The following TMPRSS11D variants were observed in gnomAD, a reference collection of about 807,000 sequenced individuals.
TMPRSS11D encodes the protein transmembrane serine protease 11D, also known as transmembrane protease serine 11D.
In TMPRSS11D, 32 loss-of-function variants were observed where a neutral mutation model predicts 44.4. The observed-to-expected ratio is 0.72, with a 90% CI of 0.54 to 0.97. The LOEUF (loss-of-function observed/expected upper bound fraction) is 0.97, where lower values mean the gene tolerates loss of function less well. Ranked by LOEUF, TMPRSS11D falls within the 50% of genes least tolerant of loss-of-function variation. TMPRSS11D has a pLI of 0.00. For missense variants in TMPRSS11D, 446 were observed against 502.6 expected, an observed-to-expected ratio of 0.89 and a Z score of 1.08; for synonymous variants, 179 against 177.9, an observed-to-expected ratio of 1.01 and a Z score of -0.05.
intron 3 of TMPRSS11D, among the ~76,000 whole-genome samples, chr4:67,849,716 T>C (rs79374520): frequency 0.019 from 2,840 of 152,312 alleles, 88 homozygotes; most frequent in African/African-American, 0.064. Flanking sequence ...CTAAATAAAA[T>C]AAAAAATTCT....
chr4:67,847,545 A>G (rs1718387815), intron 3 of TMPRSS11D, among the ~76,000 whole-genome samples: 1 of 152,130 alleles, frequency 6.6e-6, no homozygotes, highest in African/African-American at 2.4e-5. Flanking sequence ...CATCACTGAA[A>G]TCTGCTGAGA....
chr4:67,871,703 A>G (rs187945175), intron 1 of TMPRSS11D, among the ~76,000 whole-genome samples: 192 of 152,278 alleles, frequency 1.3e-3, no homozygotes, highest in African/African-American at 4.4e-3. Context: ...ACATCTGCCC[A>G]AAGTGTGGAT....
At chr4:67,836,063 C>T (rs971736257) in intron 5 of TMPRSS11D, among the ~76,000 whole-genome samples, 1 of 152,084 alleles carries the variant, frequency 6.6e-6, no homozygotes, top group Admixed American at 6.6e-5. Context: ...TAAAATGACA[C>T]CACTTCCAAA....
rs549926946 is a variant in TMPRSS11D at position 67,883,880 on chromosome 4, GA to G, written c.8+45del. 6.1e-5 allele frequency: 93 copies of G among 1,518,270 alleles called. 1 individual carries two copies. The South Asian group carries it at 1.1e-3, about 17-fold the overall frequency. The allele number at this position is 1,518,270 out of a possible 1,614,324, so 94.0% of individuals were successfully genotyped here. On this transcript the variant is annotated intron_variant, in intron 1 of 9. Coordinates refer to ENST00000283916, the MANE Select transcript of TMPRSS11D (RefSeq NM_004262.3). ...TCTTTATATTTTTCCCATACTGTAA[GA>G]TATAGTAAAACTTTTAAAGCTACAA...
chr4:67,849,048 A>G (rs1718430600), intron 3 of TMPRSS11D, among the ~76,000 whole-genome samples: 1 of 152,162 alleles, frequency 6.6e-6, no homozygotes, highest in South Asian at 2.1e-4. Flanking sequence ...ATAGTCATGC[A>G]GCAATGGATA....
At chr4:67,877,354 C>T (rs1001895944) in intron 1 of TMPRSS11D, among the ~76,000 whole-genome samples, 6 of 152,094 alleles carry the variant, frequency 3.9e-5, no homozygotes, top group African/African-American at 1.4e-4. Flanking sequence ...GTGCAAATTC[C>T]TGTACTGAAT....
At chr4:67,861,193 G>A (rs1361028361) in intron 1 of TMPRSS11D, among the ~76,000 whole-genome samples, 2 of 152,098 alleles carry the variant, frequency 1.3e-5, no homozygotes, top group Admixed American at 6.6e-5. Flanking sequence ...TGCTACACTA[G>A]TGAAAACTGG....
intron 8 of TMPRSS11D, among the ~76,000 whole-genome samples, chr4:67,826,397 T>C (rs1001359776): frequency 2.0e-5 from 3 of 152,124 alleles, no homozygotes; most frequent in African/African-American, 7.2e-5. Context: ...ATTAAGGCTT[T>C]GTATTATTCC....
intron 3 of TMPRSS11D, 82 bp from the exon 4 acceptor site, chr4:67,842,707 G>A: frequency 3.2e-6 from 4 of 1,248,458 alleles, no homozygotes; most frequent in Non-Finnish European, 4.6e-6. Flanking sequence ...CATGAGACAT[G>A]TTAATGAGGA....
chr4:67,880,770 A>C (rs527630827), intron 1 of TMPRSS11D, among the ~76,000 whole-genome samples: 228 of 152,202 alleles, frequency 1.5e-3, no homozygotes, highest in African/African-American at 5.0e-3. Context: ...AATACAGGGA[A>C]TACTTGTACC....
chr4:67,823,537 G>A (rs940433822), intron 9 of TMPRSS11D, among the ~76,000 whole-genome samples: 2 of 152,114 alleles, frequency 1.3e-5, no homozygotes, highest in Admixed American at 1.3e-4. Context: ...AAAACTCAAA[G>A]CACTTTGAGT....
At chr4:67,833,104 G>T (rs1717986589) in intron 7 of TMPRSS11D, 100 bp downstream of exon 7, 1 of 1,147,036 alleles carries the variant, frequency 8.7e-7, no homozygotes, top group South Asian at 3.9e-5. Context: ...TTTTTGCATT[G>T]AATTATTTCT....
At chr4:67,833,473 A>G in intron 6 of TMPRSS11D, 92 bp from the exon 7 acceptor site, 1 of 1,211,754 alleles carries the variant, frequency 8.3e-7, no homozygotes. Context: ...TATGACTTTT[A>G]TGTCTTATAC....
chr4:67,843,745 A>G (rs758006743), intron 3 of TMPRSS11D, among the ~76,000 whole-genome samples: 12 of 152,002 alleles, frequency 7.9e-5, no homozygotes, highest in Non-Finnish European at 1.6e-4. Context: ...AACACGGTGA[A>G]ACTCCGTCTC....
chr4:67,827,392 G>T lies in TMPRSS11D; in HGVS notation c.821C>A (p.Ala274Glu), dbSNP rs1160674988. 6.2e-7 allele frequency: 1 copy of T among 1,613,284 alleles called. No individual in the cohort carries two copies. Among genetic ancestry groups the T allele is most frequent in the Non-Finnish European group, 8.5e-7 (1 of 1,179,576 alleles). ...GACACTGTTCTCAAGTCTCACAAGT[G>T]CAATGTCATTTTCATGAGTTGCAGA... ...YKSATHENDIALVRLENSVTF... is the reference protein window; with the variant it reads ...YKSATHENDIELVRLENSVTF... The change falls in exon 8 of 10, where the codon GCA (alanine) becomes GAA (glutamate). Residue 274 changes from alanine to glutamate, a missense_variant. Ala to Glu is a moderately radical substitution (Grantham distance 107). Coordinates refer to ENST00000283916, the MANE Select transcript of TMPRSS11D (RefSeq NM_004262.3).
Position 67,876,277 on chromosome 4 carries a change from C to T in TMPRSS11D, c.8+7649G>A, listed in dbSNP as rs1319458653. On this transcript the variant is annotated intron_variant, in intron 1 of 9. Transcript: ENST00000283916. Reference sequence around the variant, plus strand: ...ATAAAATGGAGATAGTCACATGCCTCAGAGGGTTTTGAAGATTAAATGAGA... The same window carrying T: ...ATAAAATGGAGATAGTCACATGCCTTAGAGGGTTTTGAAGATTAAATGAGA... Among the ~76,000 whole-genome samples, 11 of 152,214 alleles carry T rather than the reference C, an allele frequency of 7.2e-5. No individual in the cohort carries two copies. In the East Asian group the frequency reaches 1.7e-3, roughly 24 times the overall value.
chr4:67,880,654 C>G (rs1193658346), intron 1 of TMPRSS11D, among the ~76,000 whole-genome samples: 1 of 151,460 alleles, frequency 6.6e-6, no homozygotes, highest in Non-Finnish European at 1.5e-5. Flanking sequence ...TTTTTTGAGA[C>G]AGGTTTTTGC....
Position 67,826,492 on chromosome 4 carries a change from G to A in TMPRSS11D, c.953-618C>T, listed in dbSNP as rs936334654. Among the ~76,000 whole-genome samples, 56 of 152,122 alleles carry A rather than the reference G, an allele frequency of 3.7e-4. 1 individual carries two copies. Among genetic ancestry groups the A allele is most frequent in the African/African-American group, 1.3e-3 (55 of 41,502 alleles). On this transcript the variant is annotated intron_variant, in intron 8 of 9. Transcript: ENST00000283916. ...CACTCCTTCGCTGATACTCTTACTG[G>A]TTCTAGTAGCTCTTGTGCATTGTCC...
intron 1 of TMPRSS11D, among the ~76,000 whole-genome samples, chr4:67,865,312 G>A (rs1175153465): frequency 6.6e-6 from 1 of 151,378 alleles, no homozygotes; most frequent in Non-Finnish European, 1.5e-5. Flanking sequence ...AAAAAATTTT[G>A]AAATGAATGA....
Sources: allele counts gnomAD v4.1 joint callset (sites outside exome capture counted in the v4.1 genomes callset), GRCh38; gene constraint gnomAD v4.1.1; transcripts MANE v1.5; gene names NCBI Gene and HGNC (gene_info 2026-07-23, HGNC 2026-07-21).